The following CACNB4 variants were observed in gnomAD, a reference collection of about 807,000 sequenced individuals.
CACNB4 encodes calcium voltage-gated channel auxiliary subunit beta 4.
CACNB4 carries 32 observed loss-of-function variants against 71.2 expected under a neutral mutation model. The observed-to-expected ratio is 0.45, with a 90% confidence interval of 0.34 to 0.60. CACNB4 has a LOEUF of 0.60. Among genes scored for constraint, CACNB4 ranks in the 20% least tolerant of loss-of-function variants. The pLI, the probability that CACNB4 is intolerant of heterozygous loss-of-function variation, is 0.01. For missense variants in CACNB4, 464 were observed against 647.9 expected, an observed-to-expected ratio of 0.72 and a Z score of 3.08; for synonymous variants, 231 against 236.9, an observed-to-expected ratio of 0.97 and a Z score of 0.23.
intron 2 of CACNB4, chr2:151,884,196 A>C (rs2099848691): frequency 2.0e-5 from 3 of 151,766 alleles, no homozygotes; most frequent in Non-Finnish European, 4.4e-5. Context: ...GCTACTCGGG[A>C]GGCTGAGGCA....
chr2:152,070,045 G>A (rs961349282), intron 2 of CACNB4, among the ~76,000 whole-genome samples: 11 of 151,754 alleles, frequency 7.2e-5, no homozygotes, highest in African/African-American at 1.9e-4. Flanking sequence ...GGGTTTCACC[G>A]TGTTAGCCAG....
chr2:151,985,599 A>C (rs1329796285), intron 2 of CACNB4, among the ~76,000 whole-genome samples: 1 of 152,106 alleles, frequency 6.6e-6, no homozygotes, highest in African/African-American at 2.4e-5. Context: ...TACGACAAAC[A>C]GGGACCTAAG....
intron 2 of CACNB4, among the ~76,000 whole-genome samples, chr2:152,072,054 A>G (rs1325285493): frequency 6.6e-6 from 1 of 152,270 alleles, no homozygotes; most frequent in Non-Finnish European, 1.5e-5. Flanking sequence ...TGCAACAAAA[A>G]TTCTTGCCTT....
Position 152,097,811 on chromosome 2 carries a change from AAAGTG to A in CACNB4, c.147+514_147+518del, listed in dbSNP as rs1688354340. ...CTAAGCGAATCCAAGAAGCGGTCCT[AAAGTG>A]AGAGTAAACTTTCTGCTCAGTGTCT... On this transcript the variant is annotated intron_variant, in intron 2 of 13. Coordinates refer to ENST00000539935, the MANE Select transcript of CACNB4 (RefSeq NM_000726.5). Among the ~76,000 whole-genome samples, 3 of 152,228 alleles carry A rather than the reference AAAGTG, an allele frequency of 2.0e-5. No individual in the cohort carries two copies. In the South Asian group the frequency reaches 6.2e-4, roughly 31 times the overall value.
chr2:151,840,754 TCA>T (rs1308574977), intron 13 of CACNB4, among the ~76,000 whole-genome samples: 1 of 152,184 alleles, frequency 6.6e-6, no homozygotes, highest in African/African-American at 2.4e-5. Context: ...GCCATTTATC[TCA>T]GAGTTAACTC....
rs548125242 is a variant in CACNB4 at position 152,007,865 on chromosome 2, G to A, written c.147+90465C>T. ...TGGCTTACTGCAACCTCCACCTCCCGGGTTCAAGTGGTTCTGCTGCTTCAG... is the reference window on the plus strand; with the variant it reads ...TGGCTTACTGCAACCTCCACCTCCCAGGTTCAAGTGGTTCTGCTGCTTCAG... On this transcript the variant is annotated intron_variant, in intron 2 of 13. Coordinates refer to ENST00000539935, the MANE Select transcript of CACNB4 (RefSeq NM_000726.5). Among the ~76,000 whole-genome samples, 54 of 151,718 alleles carry A rather than the reference G, an allele frequency of 3.6e-4. No individual in the cohort carries two copies. In the East Asian group the frequency reaches 3.7e-3, roughly 10 times the overall value.
chr2:152,018,842 C>A (rs1342067530), intron 2 of CACNB4, among the ~76,000 whole-genome samples: 2 of 151,418 alleles, frequency 1.3e-5, no homozygotes, highest in African/African-American at 4.9e-5. Flanking sequence ...CACACACAGA[C>A]AAAGGTATCA....
intron 2 of CACNB4, among the ~76,000 whole-genome samples, chr2:151,905,545 G>C (rs1351580123): frequency 1.3e-5 from 2 of 152,182 alleles, no homozygotes; most frequent in Non-Finnish European, 1.5e-5. Context: ...AAAATAATAT[G>C]ATAGAATAGC....
chr2:151,991,725 A>G (rs978618396), intron 2 of CACNB4, among the ~76,000 whole-genome samples: 3 of 152,192 alleles, frequency 2.0e-5, no homozygotes, highest in Non-Finnish European at 1.5e-5. Context: ...ATTTTTTAAA[A>G]AAATCGTGAA....
intron 2 of CACNB4, among the ~76,000 whole-genome samples, chr2:152,034,571 G>T (rs977129699): frequency 3.3e-5 from 5 of 152,208 alleles, no homozygotes; most frequent in Admixed American, 3.3e-4. Context: ...CCCCCATCAT[G>T]AAAAGCATCG....
At chr2:151,933,603 A>G (rs12623883) in intron 2 of CACNB4, among the ~76,000 whole-genome samples, 13,110 of 152,166 alleles carry the variant, frequency 0.086, 1,483 homozygotes, top group East Asian at 0.54. Flanking sequence ...AGCAACATCA[A>G]GTCTTCTGTG....
intron 2 of CACNB4, among the ~76,000 whole-genome samples, chr2:152,064,336 T>G (rs1442982246): frequency 6.6e-6 from 1 of 152,244 alleles, no homozygotes; most frequent in Non-Finnish European, 1.5e-5. Context: ...TATTTTATTC[T>G]TTAATATTTC....
intron 2 of CACNB4, among the ~76,000 whole-genome samples, chr2:152,072,630 C>A (rs1052797440): frequency 3.3e-5 from 5 of 151,798 alleles, no homozygotes; most frequent in African/African-American, 4.8e-5. Flanking sequence ...TTGATTACCT[C>A]CATTTCTTTT....
intron 2 of CACNB4, among the ~76,000 whole-genome samples, chr2:152,038,008 AGGG>A (rs1422886137): frequency 2.6e-5 from 4 of 152,244 alleles, no homozygotes; most frequent in Admixed American, 2.0e-4. Flanking sequence ...CGCAGGGCCC[AGGG>A]AATCTTCAGC....
intron 2 of CACNB4, among the ~76,000 whole-genome samples, chr2:152,095,834 AG>A (rs1688235314): frequency 6.6e-6 from 1 of 152,098 alleles, no homozygotes; most frequent in Non-Finnish European, 1.5e-5. Context: ...TTGTATTTTT[AG>A]TACAGTCGGG....
intron 2 of CACNB4, among the ~76,000 whole-genome samples, chr2:152,035,455 G>A (rs1341693126): frequency 3.3e-5 from 5 of 152,142 alleles, no homozygotes; most frequent in African/African-American, 7.2e-5. Flanking sequence ...AACTACTCAG[G>A]AGACTGAGGC....
intron 2 of CACNB4, among the ~76,000 whole-genome samples, chr2:152,077,475 C>T (rs566938091): frequency 6.6e-6 from 1 of 152,296 alleles, no homozygotes; most frequent in South Asian, 2.1e-4. Flanking sequence ...ATCACTTGAA[C>T]CCGGGAGGCA....
At chr2:152,067,837 A>T (rs1410814990) in intron 2 of CACNB4, among the ~76,000 whole-genome samples, 3 of 152,202 alleles carry the variant, frequency 2.0e-5, no homozygotes, top group Non-Finnish European at 2.9e-5. Context: ...ATTAAGTGGT[A>T]GTTGTGGTAC....
At chr2:152,074,827 T>A (rs1686919465) in intron 2 of CACNB4, among the ~76,000 whole-genome samples, 1 of 151,866 alleles carries the variant, frequency 6.6e-6, no homozygotes, top group African/African-American at 2.4e-5. Context: ...TTGCCCCATC[T>A]TCATCATCAC....
Sources: allele counts gnomAD v4.1 joint callset (sites outside exome capture counted in the v4.1 genomes callset), GRCh38; gene constraint gnomAD v4.1.1; transcripts MANE v1.5; gene names NCBI Gene and HGNC (gene_info 2026-07-23, HGNC 2026-07-21).